AKAP6: variants seen among roughly 807,000 people sequenced by gnomAD.
AKAP6 encodes A-kinase anchor protein 6.
Under a neutral mutation model 188.5 loss-of-function variants are expected in AKAP6, and 58 were observed. The observed-to-expected ratio is 0.31, with a 90% CI of 0.25 to 0.38. The LOEUF (loss-of-function observed/expected upper bound fraction) is 0.38, where lower values mean the gene tolerates loss of function less well. AKAP6 is among the 10% of genes least tolerant of loss of function. The pLI is 1.00. For missense variants in AKAP6, 2,710 were observed against 2,740.0 expected, an observed-to-expected ratio of 0.99 and a Z score of 0.24; for synonymous variants, 989 against 998.6, an observed-to-expected ratio of 0.99 and a Z score of 0.18.
At chr14:32,806,612 GGTT>G (rs966815240) in intron 12 of AKAP6, among the ~76,000 whole-genome samples, 7 of 152,138 alleles carry the variant, frequency 4.6e-5, no homozygotes, top group African/African-American at 1.7e-4. Context: ...GGGAGGCAGA[GGTT>G]GCAGTGAGCC....
intron 3 of AKAP6, among the ~76,000 whole-genome samples, chr14:32,536,769 A>G (rs1230191787): frequency 6.6e-6 from 1 of 152,244 alleles, no homozygotes; most frequent in Non-Finnish European, 1.5e-5. Flanking sequence ...TCATTCTTAA[A>G]TACAATGGAC....
chr14:32,465,836 C>T (rs1321401856), intron 2 of AKAP6, among the ~76,000 whole-genome samples: 15 of 152,082 alleles, frequency 9.9e-5, no homozygotes. Context: ...ATCCATCTGA[C>T]AAAGGGTTGA....
chr14:32,738,208 G>A (rs930742803), intron 11 of AKAP6, among the ~76,000 whole-genome samples: 1 of 152,120 alleles, frequency 6.6e-6, no homozygotes, highest in African/African-American at 2.4e-5. Flanking sequence ...AATGCCATTG[G>A]CTGGAAAGCA....
chr14:32,808,533 A>G (rs897900659), intron 12 of AKAP6, among the ~76,000 whole-genome samples: 1 of 152,220 alleles, frequency 6.6e-6, no homozygotes, highest in African/African-American at 2.4e-5. Context: ...GCACATTAAA[A>G]TTGTTTTAAC....
At chr14:32,415,674 A>G (rs764455614) in intron 1 of AKAP6, among the ~76,000 whole-genome samples, 2 of 152,128 alleles carry the variant, frequency 1.3e-5, no homozygotes, top group Non-Finnish European at 2.9e-5. Flanking sequence ...TATACCATTA[A>G]ACAATAACTC....
intron 1 of AKAP6, among the ~76,000 whole-genome samples, chr14:32,359,181 GTACA>G (rs1366809199): frequency 6.6e-6 from 1 of 152,086 alleles, no homozygotes; most frequent in African/African-American, 2.4e-5. Context: ...TAGAGTTTTA[GTACA>G]AAAAAAATTT....
chr14:32,555,766 C>T (rs150555742), intron 4 of AKAP6, among the ~76,000 whole-genome samples: 166 of 152,256 alleles, frequency 1.1e-3, no homozygotes, highest in African/African-American at 3.7e-3. Flanking sequence ...TAGCATGTGA[C>T]AGGATTTCTT....
intron 12 of AKAP6, among the ~76,000 whole-genome samples, chr14:32,786,301 T>TTTTTTTTTTTG (rs1566710182): frequency 2.2e-4 from 13 of 58,764 alleles, no homozygotes; most frequent in African/African-American, 8.1e-4. Flanking sequence ...CCTTTATCTT[T>TTTTTTTTTTTG]TTTTTTTTTT....
chr14:32,561,891 A>G (rs1320326093), intron 4 of AKAP6, among the ~76,000 whole-genome samples: 1 of 152,238 alleles, frequency 6.6e-6, no homozygotes, highest in African/African-American at 2.4e-5. Flanking sequence ...ATTACCCATC[A>G]GCACTGAGGC....
chr14:32,821,289 C>A, intron 12 of AKAP6, 113 bp from the exon 13 acceptor site: 1 of 1,169,736 alleles, frequency 8.5e-7, no homozygotes, highest in Non-Finnish European at 1.2e-6. Context: ...TCTTTCAAGT[C>A]CATGCTTGGG....
At chr14:32,488,343 C>T (rs1879813646) in intron 2 of AKAP6, among the ~76,000 whole-genome samples, 1 of 152,136 alleles carries the variant, frequency 6.6e-6, no homozygotes, top group Non-Finnish European at 1.5e-5. Flanking sequence ...GGAAAACTGC[C>T]TACTCAAGCC....
At chr14:32,681,553 T>C (rs1889678347) in intron 8 of AKAP6, among the ~76,000 whole-genome samples, 1 of 152,190 alleles carries the variant, frequency 6.6e-6, no homozygotes. Context: ...AACTAAGGTA[T>C]CTTCCTACTA....
At chr14:32,374,777 A>G (rs1162746973) in intron 1 of AKAP6, among the ~76,000 whole-genome samples, 1 of 152,210 alleles carries the variant, frequency 6.6e-6, no homozygotes, top group African/African-American at 2.4e-5. Flanking sequence ...TTAATCACCT[A>G]TCTATCCCTT....
At chr14:32,762,413 A>G (rs1245243991) in intron 11 of AKAP6, among the ~76,000 whole-genome samples, 1 of 152,142 alleles carries the variant, frequency 6.6e-6, no homozygotes, top group Non-Finnish European at 1.5e-5. Flanking sequence ...ACATGTGAAT[A>G]TGAACTAAAC....
rs1249529181 is a variant in AKAP6 at position 32,469,743 on chromosome 14, G to A, written c.324+35926G>A. Among the ~76,000 whole-genome samples the A allele has an allele frequency of 2.2e-5, 3 of 138,330 alleles. No individual in the cohort carries two copies. The Admixed American group carries it at 2.2e-4, about 10-fold the overall frequency. 90.7% of individuals were successfully genotyped at this position (138,330 alleles called of 152,430 possible). A position where few individuals can be genotyped will look rare whatever the true frequency, so the allele number is the denominator to read the frequency against. The stretch of plus-strand genomic sequence containing the variant: ...TTTTTTTTATTATTATACTTGTCTT[G>A]GCTCGTCAGCCAGACATGCTGCTCG... On this transcript the variant is annotated intron_variant, in intron 2 of 13. Transcript: ENST00000280979.
At chr14:32,440,667 G>T (rs1890543894) in intron 2 of AKAP6, among the ~76,000 whole-genome samples, 1 of 152,082 alleles carries the variant, frequency 6.6e-6, no homozygotes, top group African/African-American at 2.4e-5. Flanking sequence ...TGCTGTTTGT[G>T]TAACATTATT....
Position 32,599,466 on chromosome 14 carries a change from A to G in AKAP6, c.2526A>G (p.Glu842=), listed in dbSNP as rs775205361. ...CTCTCAAGGAAGCTGTGGAGGAGGA[A>G]GGACACCAACTTCTTGAGCTTATTG... The part of the protein sequence containing the change: ...HCALKEAVEE[E]GHQLLELIAS... Residue 842 remains glutamate, a synonymous_variant, in exon 6 of 14, where the codon GAA becomes GAG. Coordinates refer to ENST00000280979, the MANE Select transcript of AKAP6 (RefSeq NM_004274.5). The G allele has an allele frequency of 6.2e-7, 1 of 1,613,478 alleles. No individual in the cohort carries two copies. Among genetic ancestry groups the G allele is most frequent in the East Asian group, 2.2e-5 (1 of 44,854 alleles).
At chr14:32,368,082 C>T (rs572706731) in intron 1 of AKAP6, among the ~76,000 whole-genome samples, 3 of 152,170 alleles carry the variant, frequency 2.0e-5, no homozygotes, top group Admixed American at 6.5e-5. Flanking sequence ...GCCCTTCATC[C>T]TTCATTTCTT....
chr14:32,501,720 A>G (rs1880617840), intron 2 of AKAP6, among the ~76,000 whole-genome samples: 1 of 152,186 alleles, frequency 6.6e-6, no homozygotes, highest in Admixed American at 6.6e-5. Context: ...ATGTAAGTAG[A>G]TGCGAGGTCT....
Sources: allele counts gnomAD v4.1 joint callset (sites outside exome capture counted in the v4.1 genomes callset), GRCh38; gene constraint gnomAD v4.1.1; transcripts MANE v1.5; gene names NCBI Gene and HGNC (gene_info 2026-07-23, HGNC 2026-07-21).